MYO3A: variants seen among roughly 807,000 people sequenced by gnomAD.
The protein encoded by MYO3A is myosin IIIA.
In MYO3A, 180 loss-of-function variants were observed where a neutral mutation model predicts 192.7. The ratio of observed to expected loss-of-function variants is 0.93; its 90% CI spans 0.83 to 1.06. The LOEUF is 1.06. MYO3A is among the 50% of genes least tolerant of loss of function. MYO3A has a pLI of 0.00. For missense variants in MYO3A, 1,896 were observed against 1,905.0 expected, an observed-to-expected ratio of 1.00 and a Z score of 0.09; for synonymous variants, 628 against 645.3, an observed-to-expected ratio of 0.97 and a Z score of 0.41.
At chr10:26,179,225 A>C (rs1842490537) in intron 31 of MYO3A, among the ~76,000 whole-genome samples, 1 of 146,174 alleles carries the variant, frequency 6.8e-6, no homozygotes, top group African/African-American at 2.6e-5. Context: ...CAGCCTCCCC[A>C]GTAGCTGGGA....
intron 2 of MYO3A, among the ~76,000 whole-genome samples, chr10:25,951,175 C>T (rs1343511992): frequency 3.9e-5 from 6 of 152,004 alleles, no homozygotes; most frequent in African/African-American, 1.5e-4. Context: ...ATCACAATAA[C>T]GGTACCAGTG....
chr10:26,062,530 A>AAAAAACAAAAGAAACAAAAAAAAACG (rs1554816581), intron 10 of MYO3A, among the ~76,000 whole-genome samples: 2 of 125,946 alleles, frequency 1.6e-5, no homozygotes, highest in Admixed American at 1.6e-4. Context: ...AAAAAAAAAA[A>AAAAAACAAAAGAAACAAAAAAAAACG]AAATTATGGA....
intron 3 of MYO3A, 65 bp downstream of exon 3, chr10:25,952,343 G>C (rs1179860521): frequency 6.8e-7 from 1 of 1,475,848 alleles, no homozygotes; most frequent in Non-Finnish European, 9.4e-7. Flanking sequence ...TAAAAAGACT[G>C]TATTTTATCT....
intron 4 of MYO3A, among the ~76,000 whole-genome samples, chr10:25,976,009 T>G (rs1260989750): frequency 6.6e-6 from 1 of 152,204 alleles, no homozygotes; most frequent in East Asian, 1.9e-4. Flanking sequence ...TTCAAAATCT[T>G]TAGTCTTTGG....
In MYO3A at chr10:26,173,648, A is replaced by C; in HGVS notation, c.3399-15A>C. The C allele has an allele frequency of 6.2e-7, 1 of 1,608,160 alleles. No homozygotes were observed. Among genetic ancestry groups the C allele is most frequent in the Non-Finnish European group, 8.5e-7 (1 of 1,175,710 alleles). Reference sequence around the variant, plus strand: ...GTTTAGTACTGTATATTCAAAGATAATATATTTTACACAGGGAATCTTTCG... The same window carrying C: ...GTTTAGTACTGTATATTCAAAGATACTATATTTTACACAGGGAATCTTTCG... On this transcript the variant is annotated splice_polypyrimidine_tract_variant and intron_variant, in intron 29 of 34. Transcript: ENST00000642920.
chr10:26,063,549 G>A (rs983388843), intron 10 of MYO3A, among the ~76,000 whole-genome samples: 1 of 152,096 alleles, frequency 6.6e-6, no homozygotes, highest in African/African-American at 2.4e-5. Flanking sequence ...ACCATATGTT[G>A]AAAAGATATT....
intron 30 of MYO3A, among the ~76,000 whole-genome samples, chr10:26,176,117 A>C (rs1193869261): frequency 6.6e-6 from 1 of 151,962 alleles, no homozygotes; most frequent in Non-Finnish European, 1.5e-5. Context: ...ACGTGGTGAA[A>C]CCCTGTCTCT....
intron 2 of MYO3A, among the ~76,000 whole-genome samples, chr10:25,936,829 TTAAG>T (rs1169840541): frequency 2.0e-5 from 3 of 152,102 alleles, no homozygotes. Flanking sequence ...CTCCTGATAA[TTAAG>T]TGACATACTG....
At chr10:26,046,410 G>T (rs72793999) in intron 10 of MYO3A, among the ~76,000 whole-genome samples, 24,720 of 152,082 alleles carry the variant, frequency 0.16, 2,302 homozygotes, top group Non-Finnish European at 0.21. Context: ...GAGAGCAGAG[G>T]AAAAACTGTA....
At chr10:26,136,300 C>T (rs942837069) in intron 20 of MYO3A, among the ~76,000 whole-genome samples, 12 of 152,066 alleles carry the variant, frequency 7.9e-5, no homozygotes, top group African/African-American at 2.9e-4. Flanking sequence ...TCATATATAC[C>T]AGCTATTAAC....
intron 6 of MYO3A, among the ~76,000 whole-genome samples, chr10:25,999,476 G>A (rs1840646017): frequency 6.6e-6 from 1 of 152,184 alleles, no homozygotes; most frequent in Admixed American, 6.5e-5. Flanking sequence ...GATGGTAGGG[G>A]TGTACATTTA....
intron 18 of MYO3A, among the ~76,000 whole-genome samples, chr10:26,121,954 C>T (rs1052928537): frequency 1.3e-5 from 2 of 152,114 alleles, no homozygotes; most frequent in African/African-American, 4.8e-5. Flanking sequence ...TACAGTAGCA[C>T]AAGTGTATGG....
intron 11 of MYO3A, among the ~76,000 whole-genome samples, chr10:26,067,548 C>T (rs1471124886): frequency 6.6e-6 from 1 of 152,210 alleles, no homozygotes; most frequent in Non-Finnish European, 1.5e-5. Flanking sequence ...GATACCTCAA[C>T]AGCCTGTCTG....
At position 26,021,572 on chromosome 10, in the gene MYO3A, A is replaced by G; in HGVS notation, c.655A>G (p.Thr219Ala). The change falls in exon 8 of 35, where the codon ACG (threonine) becomes GCG (alanine). Residue 219 changes from threonine to alanine, a missense_variant. By Grantham distance (58) the Thr-to-Ala change is moderately conservative (BLOSUM62 0). Coordinates refer to ENST00000642920, the MANE Select transcript of MYO3A (RefSeq NM_017433.5). ...ATGTGACACTTGGTCCCTGGGTATC[A>G]CGGCCATTGAGCTGGGTGATGGAGA... is the stretch of plus-strand genomic sequence containing the variant. ...ARCDTWSLGI[T>A]AIELGDGDPP... The G allele has an allele frequency of 6.2e-7, 1 of 1,614,116 alleles. No individual in the cohort carries two copies. The highest frequency in any genetic ancestry group is 8.5e-7 in the Non-Finnish European group (1 of 1,179,974).
At chr10:26,211,379 G>A (rs1844211431) in intron 34 of MYO3A, among the ~76,000 whole-genome samples, 1 of 152,202 alleles carries the variant, frequency 6.6e-6, no homozygotes, top group East Asian at 1.9e-4. Flanking sequence ...GTCACTAACA[G>A]AGCAGTTGGT....
At position 26,081,151 on chromosome 10, in the gene MYO3A, C is replaced by G. The variant is rs970116664; in HGVS notation, c.1360-7052C>G. Among the ~76,000 whole-genome samples, 235 of 108,776 alleles carry G rather than the reference C, an allele frequency of 2.2e-3. 12 individuals carry two copies. The highest frequency in any genetic ancestry group is 3.0e-3 in the Non-Finnish European group (130 of 43,858). The allele number at this position is 108,776 out of a possible 152,430, so 71.4% of individuals were successfully genotyped here. ...ATGCCCTTCCCCCCCCCCCCGCCCCCGCTACCAGGGTGGGTAGGGAAGGAC... is the reference window on the plus strand; with the variant it reads ...ATGCCCTTCCCCCCCCCCCCGCCCCGGCTACCAGGGTGGGTAGGGAAGGAC... On this transcript the variant is annotated intron_variant, in intron 14 of 34. Coordinates refer to ENST00000642920, the MANE Select transcript of MYO3A (RefSeq NM_017433.5).
intron 14 of MYO3A, among the ~76,000 whole-genome samples, chr10:26,071,078 A>G (rs1326314356): frequency 6.6e-6 from 1 of 152,046 alleles, no homozygotes; most frequent in African/African-American, 2.4e-5. Flanking sequence ...TTGAAGGGCA[A>G]AGGAGCTAGA....
intron 7 of MYO3A, among the ~76,000 whole-genome samples, chr10:26,017,389 A>C (rs544109476): frequency 6.0e-4 from 91 of 152,202 alleles, no homozygotes; most frequent in African/African-American, 1.7e-3. Flanking sequence ...TAAACTGCTA[A>C]AATAGTTGAG....
chr10:26,178,581 A>G (rs1226385067), intron 31 of MYO3A, among the ~76,000 whole-genome samples: 1 of 151,530 alleles, frequency 6.6e-6, no homozygotes, highest in East Asian at 1.9e-4. Context: ...AAGAAGAAAA[A>G]GAACAACAAC....
Sources: gnomAD v4.1 joint callset for allele counts (sites outside exome capture counted in the v4.1 genomes callset) on GRCh38, gnomAD v4.1.1 for gene constraint, MANE v1.5 for transcripts, NCBI Gene and HGNC (gene_info 2026-07-23, HGNC 2026-07-21) for gene names.